Variants in SPINK5 observed in about 807,000 individuals in gnomAD.
SPINK5 encodes serine protease inhibitor Kazal-type 5.
A neutral mutation model predicts 151.8 loss-of-function variants in SPINK5; 125 were observed. The ratio of observed to expected loss-of-function variants is 0.82; its 90% CI spans 0.71 to 0.96. The LOEUF (loss-of-function observed/expected upper bound fraction) is 0.96, where lower values mean the gene tolerates loss of function less well. SPINK5 is among the 40% of genes least tolerant of loss of function. The pLI, the probability that SPINK5 is intolerant of heterozygous loss-of-function variation, is 0.00. For missense variants in SPINK5, 1,194 were observed against 1,291.9 expected (o/e 0.92, Z 1.16); for synonymous variants, 374 against 395.3 (o/e 0.95, Z 0.64).
chr5:148,117,584 C>G (rs1754128462), intron 22 of SPINK5, among the ~76,000 whole-genome samples: 1 of 152,138 alleles, frequency 6.6e-6, no homozygotes, highest in South Asian at 2.1e-4. Context: ...TGTGTAAGAA[C>G]AGGAAGCAGG....
intron 2 of SPINK5, among the ~76,000 whole-genome samples, chr5:148,066,122 C>A (rs1205703301): frequency 6.6e-6 from 1 of 152,130 alleles, no homozygotes. Flanking sequence ...GAATGAACCA[C>A]GAAGGTATTT....
chr5:148,087,478 TA>T (rs1483320213), intron 5 of SPINK5, among the ~76,000 whole-genome samples: 3 of 151,840 alleles, frequency 2.0e-5, no homozygotes, highest in South Asian at 2.1e-4. Flanking sequence ...AAAACTGCAT[TA>T]AAACACTCTC....
chr5:148,122,964 C>G (rs1362968426), intron 26 of SPINK5, among the ~76,000 whole-genome samples: 1 of 140,570 alleles, frequency 7.1e-6, no homozygotes, highest in Non-Finnish European at 1.5e-5. Context: ...TTAGTTCATT[C>G]CAGGGCTTTT....
At position 148,072,218 on chromosome 5, in the gene SPINK5, G is replaced by A; in HGVS notation, c.280G>A (p.Glu94Lys). The A allele has an allele frequency of 6.2e-7, 1 of 1,612,022 alleles. No individual in the cohort carries two copies. Among genetic ancestry groups the A allele is most frequent in the Non-Finnish European group, 8.5e-7 (1 of 1,178,524 alleles). ...AGCTCCCAAGGCTACTGCCCCAACA[G>A]AGGTGAGACTATTTGGAGCCAACCT... Reference protein sequence around the residue: ...ARAPKATAPTELNCDDFKKGE... With the variant: ...ARAPKATAPTKLNCDDFKKGE... The change falls in exon 4 of 33, where the codon GAG becomes AAG. Residue 94 changes from glutamate to lysine, a missense_variant and splice_region_variant. Glu to Lys is a moderately conservative substitution (Grantham distance 56). Transcript: ENST00000256084.
Position 148,112,844 on chromosome 5 carries a change from G to T in SPINK5, c.1821-24G>T, listed in dbSNP as rs920848001. ...TATGTATTGGGTGCTAGGAATGATTGTTTTGTCCTCCCTTTTCTTATAGCC... is the reference window on the plus strand; with the variant it reads ...TATGTATTGGGTGCTAGGAATGATTTTTTTGTCCTCCCTTTTCTTATAGCC... On this transcript the variant is annotated intron_variant, in intron 19 of 32. Transcript: ENST00000256084. 2.5e-6 allele frequency: 4 copies of T among 1,613,642 alleles called. No homozygotes were observed. The East Asian group carries it at 8.9e-5, about 36-fold the overall frequency.
chr5:148,093,948 G>T (rs1052089864), intron 8 of SPINK5, among the ~76,000 whole-genome samples: 11 of 151,848 alleles, frequency 7.2e-5, no homozygotes, highest in South Asian at 2.1e-4. Context: ...ATGTTTTGTG[G>T]TAATAAATCT....
rs1753218818 is a variant in SPINK5, at chr5:148,088,475, A to C, written c.411-67A>C. 21 of 1,343,876 alleles carry C rather than the reference A, an allele frequency of 1.6e-5. No individual in the cohort carries two copies. The South Asian group carries it at 2.1e-4, about 14-fold the overall frequency. 83.2% of individuals were successfully genotyped at this position (1,343,876 alleles called of 1,614,324 possible). A position where few individuals can be genotyped will look rare whatever the true frequency, so the allele number is the denominator to read the frequency against. On this transcript the variant is annotated intron_variant, in intron 5 of 32. Coordinates refer to ENST00000256084, the MANE Select transcript of SPINK5 (RefSeq NM_006846.4). ...GGAGAATGACAATGCAATGTAGAGC[A>C]GTTAGGTTTGAATGGTGGGAAGTTC... is the stretch of plus-strand genomic sequence containing the variant.
intron 5 of SPINK5, 74 bp from the exon 6 acceptor site, chr5:148,088,468 G>A: frequency 8.5e-6 from 11 of 1,291,384 alleles, no homozygotes; most frequent in African/African-American, 2.9e-5. Context: ...ACAATGCAAT[G>A]TAGAGCAGTT....
At chr5:148,125,449 G>C in intron 28 of SPINK5, 5 of 1,355,006 alleles carry the variant, frequency 3.7e-6, no homozygotes, top group Non-Finnish European at 5.2e-6. Flanking sequence ...AATGGGGAAA[G>C]GAAGGATGGA....
At chr5:148,088,490 G>A in intron 5 of SPINK5, 52 bp from the exon 6 acceptor site, 1 of 1,527,006 alleles carries the variant, frequency 6.5e-7, no homozygotes, top group Non-Finnish European at 9.1e-7. Context: ...GGTTTGAATG[G>A]TGGGAAGTTC....
intron 26 of SPINK5, among the ~76,000 whole-genome samples, chr5:148,121,658 AAAT>A (rs202086005): frequency 0.045 from 4,609 of 102,476 alleles, 213 homozygotes; most frequent in African/African-American, 0.12. Flanking sequence ...AGTAAAAAAA[AAAT>A]AAAGAAAATA....
Position 148,091,758 on chromosome 5 carries a change from T to G in SPINK5, c.666+530T>G, listed in dbSNP as rs1753316568. On this transcript the variant is annotated intron_variant, in intron 8 of 32. Transcript: ENST00000256084. ...GAAAAACCTGCATTTATAAAGGTCT[T>G]GATTCTGCTTTAAAAAAAAAAAAAG... 2.4e-5 allele frequency among the ~76,000 whole-genome samples: 3 copies of G among 127,176 alleles called. No homozygotes were observed. In the South Asian group the frequency reaches 9.4e-4, roughly 40 times the overall value. 83.4% of individuals were successfully genotyped at this position (127,176 alleles called of 152,430 possible).
intron 23 of SPINK5, 86 bp from the exon 24 acceptor site, chr5:148,118,900 C>A (rs1472469561): frequency 2.2e-6 from 3 of 1,384,164 alleles, no homozygotes; most frequent in Non-Finnish European, 3.1e-6. Flanking sequence ...AAGCTGACTT[C>A]TTGTCATTTG....
intron 31 of SPINK5, 28 bp downstream of exon 31, chr5:148,131,417 C>T: frequency 1.2e-6 from 2 of 1,613,412 alleles, no homozygotes; most frequent in Non-Finnish European, 1.7e-6. Context: ...CCCATCATAT[C>T]TTCCAGTTTA....
intron 8 of SPINK5, among the ~76,000 whole-genome samples, chr5:148,092,626 AAC>A (rs1753340859): frequency 1.3e-5 from 2 of 151,912 alleles, no homozygotes; most frequent in African/African-American, 4.8e-5. Flanking sequence ...CTAGGTTGCA[AAC>A]ACAGTGTTTC....
chr5:148,072,310 T>C (rs1752761333), intron 4 of SPINK5, 90 bp downstream of exon 4: 1 of 1,398,284 alleles, frequency 7.2e-7, no homozygotes, highest in Non-Finnish European at 1.0e-6. Context: ...TACTAGGTCA[T>C]ACCTGTTTTG....
chr5:148,086,661 T>A (rs1753164049), intron 5 of SPINK5, 129 bp downstream of exon 5: 1 of 1,174,034 alleles, frequency 8.5e-7, no homozygotes, highest in Non-Finnish European at 1.2e-6. Flanking sequence ...AAATTATTAG[T>A]ACCACTTCTT....
Position 148,075,816 on chromosome 5 carries a change from A to G in SPINK5, c.282+3596A>G, listed in dbSNP as rs565745508. ...CTGGCTTGGTTGGCATGGAGGTTCT[A>G]TACAGGGTACAAAGGTCAGCAAAGG... On this transcript the variant is annotated intron_variant, in intron 4 of 32. Coordinates refer to ENST00000256084, the MANE Select transcript of SPINK5 (RefSeq NM_006846.4). 4.0e-5 allele frequency among the ~76,000 whole-genome samples: 6 copies of G among 151,872 alleles called. No individual in the cohort carries two copies. In the East Asian group the frequency reaches 1.2e-3, roughly 30 times the overall value.
chr5:148,123,437 C>CTATATATATATATA (rs1318085178), intron 26 of SPINK5, among the ~76,000 whole-genome samples: 3 of 86,964 alleles, frequency 3.4e-5, no homozygotes, highest in African/African-American at 1.4e-4. Flanking sequence ...TATATATTAT[C>CTATATATATATATA]TATCTATCTA....
Sources: gnomAD v4.1 joint callset for allele counts (sites outside exome capture counted in the v4.1 genomes callset) on GRCh38, gnomAD v4.1.1 for gene constraint, MANE v1.5 for transcripts, NCBI Gene and HGNC (gene_info 2026-07-23, HGNC 2026-07-21) for gene names.